Variants in BTD observed in about 807,000 individuals in gnomAD.
BTD encodes biotinidase.
In BTD, 13 loss-of-function variants were observed where a neutral mutation model predicts 17.7. That is an observed-to-expected ratio of 0.74 (90% CI 0.48 to 1.17). The LOEUF (loss-of-function observed/expected upper bound fraction) is 1.17, where lower values mean the gene tolerates loss of function less well. Ranked by LOEUF, BTD falls within the 50% of genes most tolerant of loss-of-function variation. BTD has a pLI of 0.00. For synonymous variants in BTD, 240 were observed against 245.2 expected, an observed-to-expected ratio of 0.98 and a Z score of 0.20; for missense variants, 674 against 650.4, an observed-to-expected ratio of 1.04 and a Z score of -0.39.
chr3:15,693,305 C>CA (rs1242764608), intron 3 of BTD, among the ~76,000 whole-genome samples: 2 of 150,762 alleles, frequency 1.3e-5, no homozygotes, highest in East Asian at 3.9e-4. Context: ...AAATCTCTGA[C>CA]AAAAAAATAG....
At chr3:15,686,325 T>G (rs1431393691) in intron 3 of BTD, 1 of 1,528,804 alleles carries the variant, frequency 6.5e-7, no homozygotes, top group Non-Finnish European at 8.9e-7. Flanking sequence ...AAGTGAAATT[T>G]AAACATTTCA....
intron 3 of BTD, among the ~76,000 whole-genome samples, chr3:15,665,697 G>C (rs2065974112): frequency 6.6e-6 from 1 of 152,204 alleles, no homozygotes; most frequent in Non-Finnish European, 1.5e-5. Flanking sequence ...TCCCACGGAG[G>C]TAGGGCGTGG....
intron 3 of BTD, among the ~76,000 whole-genome samples, chr3:15,675,510 T>A (rs1417296083): frequency 6.6e-6 from 1 of 152,010 alleles, no homozygotes; most frequent in Non-Finnish European, 1.5e-5. Context: ...ACTGTCAAAC[T>A]GACATTATGA....
At chr3:15,644,233 C>G in intron 3 of BTD, 83 bp from the exon 4 acceptor site, 12 of 1,424,240 alleles carry the variant, frequency 8.4e-6, no homozygotes, top group Non-Finnish European at 1.2e-5. Flanking sequence ...ATCTCCTGAC[C>G]TCATGATCCA....
In BTD at chr3:15,645,387, C is replaced by G. The variant is rs397514427; in HGVS notation, c.1471C>G (p.Gln491Glu). 21 of 1,614,014 alleles carry G rather than the reference C, an allele frequency of 1.3e-5. No individual in the cohort carries two copies. Among genetic ancestry groups the G allele is most frequent in the Middle Eastern group, 1.6e-4 (1 of 6,084 alleles). ...AGGGATGACCCTAGAAGTCCCTGAC[C>G]AGCTTGGCTGGGAGAATGACCACTA... ...TSGMTLEVPD[Q>E]LGWENDHYFL... The change falls in exon 4 of 4, where the codon CAG (glutamine) becomes GAG (glutamate). Residue 491 changes from glutamine to glutamate, a missense_variant. Physicochemically the swap from Gln to Glu is conservative, Grantham distance 29. Coordinates refer to ENST00000643237, the MANE Select transcript of BTD (RefSeq NM_001370658.1).
chr3:15,700,705 C>T (rs973860911), intron 3 of BTD, among the ~76,000 whole-genome samples: 3 of 152,114 alleles, frequency 2.0e-5, no homozygotes, highest in East Asian at 1.9e-4. Flanking sequence ...ACTCAGGAGG[C>T]GGAGGTTGCA....
chr3:15,721,629 T>C (rs1177127846), intron 4 of BTD, among the ~76,000 whole-genome samples: 2 of 152,228 alleles, frequency 1.3e-5, no homozygotes, highest in Non-Finnish European at 2.9e-5. Context: ...ATTTATTTAA[T>C]TCATTTTTTG....
intron 1 of BTD, among the ~76,000 whole-genome samples, chr3:15,620,696 T>C (rs1559583716): frequency 1.3e-5 from 2 of 152,238 alleles, no homozygotes; most frequent in Admixed American, 6.5e-5. Flanking sequence ...AAAAGTGTTA[T>C]TTGAGAACTG....
intron 2 of BTD, among the ~76,000 whole-genome samples, chr3:15,640,308 A>T (rs185906947): frequency 6.6e-6 from 1 of 152,340 alleles, no homozygotes; most frequent in East Asian, 1.9e-4. Context: ...GGAACACTTC[A>T]AATTCCAATA....
chr3:15,676,735 T>G, intron 3 of BTD: 2 of 350,066 alleles, frequency 5.7e-6, no homozygotes, highest in Non-Finnish European at 1.1e-5. Context: ...GGTAGGTGGA[T>G]TAAGGAAAAA....
chr3:15,625,226 A>G (rs534252617), intron 1 of BTD, among the ~76,000 whole-genome samples: 31 of 152,248 alleles, frequency 2.0e-4, no homozygotes, highest in Admixed American at 1.6e-3. Flanking sequence ...TGGACTGTGA[A>G]CTTTACAAGT....
intron 3 of BTD, among the ~76,000 whole-genome samples, chr3:15,661,904 C>T (rs1407305570): frequency 6.6e-6 from 1 of 152,178 alleles, no homozygotes; most frequent in Non-Finnish European, 1.5e-5. Context: ...TGTCACATTG[C>T]CTTTGCTCCT....
chr3:15,685,949 G>C, intron 3 of BTD: 1 of 1,359,658 alleles, frequency 7.4e-7, no homozygotes, highest in African/African-American at 1.4e-5. Context: ...TCAGTTCTAG[G>C]TAATATGAGG....
intron 3 of BTD, chr3:15,679,550 A>G: frequency 1.2e-6 from 2 of 1,611,884 alleles, no homozygotes; most frequent in Non-Finnish European, 1.7e-6. Flanking sequence ...GCAGTTCTAC[A>G]CATGTCTCGT....
intron 3 of BTD, among the ~76,000 whole-genome samples, chr3:15,692,147 A>T (rs2068888545): frequency 6.9e-6 from 1 of 144,852 alleles, no homozygotes; most frequent in African/African-American, 2.8e-5. Flanking sequence ...CTCTAAATAA[A>T]AAAAAAAAAA....
intron 3 of BTD, among the ~76,000 whole-genome samples, chr3:15,699,696 C>T (rs577976895): frequency 9.2e-5 from 14 of 152,266 alleles, no homozygotes; most frequent in African/African-American, 2.4e-4. Flanking sequence ...CACTATCTCA[C>T]GCCAGTTAGA....
intron 3 of BTD, chr3:15,668,158 G>C (rs1250109238): frequency 1.3e-5 from 2 of 152,184 alleles, no homozygotes; most frequent in Non-Finnish European, 2.9e-5. Context: ...TGGTGAGGTA[G>C]AGTCACTTGG....
chr3:15,610,017 G>C (rs1458851238), intron 1 of BTD, among the ~76,000 whole-genome samples: 1 of 151,862 alleles, frequency 6.6e-6, no homozygotes, highest in Admixed American at 6.6e-5. Flanking sequence ...ACCTGGAATT[G>C]ATTTTTGTTT....
chr3:15,625,834 C>T (rs1305435586), intron 1 of BTD, among the ~76,000 whole-genome samples: 2 of 152,166 alleles, frequency 1.3e-5, no homozygotes, highest in South Asian at 2.1e-4. Context: ...GGATTACAGG[C>T]GTGAGCCACC....
Sources: allele counts gnomAD v4.1 joint callset (sites outside exome capture counted in the v4.1 genomes callset), GRCh38; gene constraint gnomAD v4.1.1; transcripts MANE v1.5; gene names NCBI Gene and HGNC (gene_info 2026-07-23, HGNC 2026-07-21).